CADM1: variants seen among roughly 807,000 people sequenced by gnomAD.
CADM1 encodes the protein TSLC-1.
CADM1 carries 15 observed loss-of-function variants against 53.1 expected under a neutral mutation model. The ratio of observed to expected loss-of-function variants is 0.28; its 90% CI spans 0.19 to 0.44. The LOEUF (loss-of-function observed/expected upper bound fraction) is 0.44, where lower values mean the gene tolerates loss of function less well. Among genes scored for constraint, CADM1 ranks in the 20% least tolerant of loss-of-function variants. CADM1 has a pLI of 1.00. For missense variants in CADM1, 434 were observed against 611.3 expected, an observed-to-expected ratio of 0.71 and a Z score of 3.06; for synonymous variants, 281 against 243.0, an observed-to-expected ratio of 1.16 and a Z score of -1.45.
intron 1 of CADM1, among the ~76,000 whole-genome samples, chr11:115,412,178 A>C (rs1465559554): frequency 6.6e-6 from 1 of 152,084 alleles, no homozygotes; most frequent in Non-Finnish European, 1.5e-5. Flanking sequence ...AGCAAATTTA[A>C]GTATTTTAAA....
chr11:115,221,715 C>T (rs1040983352), intron 5 of CADM1, among the ~76,000 whole-genome samples: 6 of 152,136 alleles, frequency 3.9e-5, no homozygotes, highest in Non-Finnish European at 8.8e-5. Flanking sequence ...CAAACACTAA[C>T]GTATCAGGTC....
chr11:115,396,211 T>C (rs992574849), intron 1 of CADM1, among the ~76,000 whole-genome samples: 10 of 152,214 alleles, frequency 6.6e-5, no homozygotes, highest in Non-Finnish European at 2.9e-5. Flanking sequence ...ATAATAAAGA[T>C]GTGGTTGTCA....
chr11:115,237,084 A>G (rs536003086), intron 3 of CADM1, among the ~76,000 whole-genome samples: 17 of 152,300 alleles, frequency 1.1e-4, no homozygotes, highest in East Asian at 7.7e-4. Context: ...AGTCAATTTG[A>G]AGTCTATGCT....
At chr11:115,401,962 G>A (rs985545175) in intron 1 of CADM1, among the ~76,000 whole-genome samples, 2 of 151,964 alleles carry the variant, frequency 1.3e-5, no homozygotes, top group African/African-American at 4.8e-5. Context: ...AAAAAATTAA[G>A]TCTTTTTTAA....
intron 1 of CADM1, among the ~76,000 whole-genome samples, chr11:115,336,915 C>T (rs977147510): frequency 6.6e-6 from 1 of 152,130 alleles, no homozygotes; most frequent in Non-Finnish European, 1.5e-5. Flanking sequence ...TAAGTAAGTA[C>T]TGACTATATA....
At chr11:115,311,690 T>G (rs1565358461) in intron 1 of CADM1, among the ~76,000 whole-genome samples, 2 of 152,224 alleles carry the variant, frequency 1.3e-5, no homozygotes, top group Non-Finnish European at 2.9e-5. Flanking sequence ...GAAAACAGGC[T>G]GAGAGTGGGC....
chr11:115,419,720 A>G (rs536604629), intron 1 of CADM1, among the ~76,000 whole-genome samples: 1 of 152,306 alleles, frequency 6.6e-6, no homozygotes, highest in East Asian at 1.9e-4. Flanking sequence ...GATTAGTTAA[A>G]CTGGGTGAAC....
At chr11:115,388,810 G>A (rs1946763756) in intron 1 of CADM1, among the ~76,000 whole-genome samples, 1 of 152,056 alleles carries the variant, frequency 6.6e-6, no homozygotes, top group Admixed American at 6.6e-5. Flanking sequence ...GTAGATTGAA[G>A]AGACATAACA....
At chr11:115,332,992 G>T (rs1945172762) in intron 1 of CADM1, among the ~76,000 whole-genome samples, 1 of 152,008 alleles carries the variant, frequency 6.6e-6, no homozygotes, top group African/African-American at 2.4e-5. Flanking sequence ...TACACCCTGT[G>T]CGAGGTCCTC....
intron 1 of CADM1, among the ~76,000 whole-genome samples, chr11:115,424,147 AC>A (rs542281973): frequency 5.3e-5 from 8 of 152,336 alleles, no homozygotes; most frequent in Non-Finnish European, 8.8e-5. Context: ...AGAGCTGATT[AC>A]CTGGGAAAGC....
At chr11:115,247,480 T>A (rs1218083355) in intron 1 of CADM1, among the ~76,000 whole-genome samples, 1 of 152,242 alleles carries the variant, frequency 6.6e-6, no homozygotes, top group Non-Finnish European at 1.5e-5. Flanking sequence ...CCATCCTTCA[T>A]CCACCCTTTG....
intron 1 of CADM1, among the ~76,000 whole-genome samples, chr11:115,434,914 G>T (rs536267488): frequency 6.9e-6 from 1 of 145,912 alleles, no homozygotes; most frequent in African/African-American, 2.5e-5. Flanking sequence ...AGGCTAGAGC[G>T]CAATGGTGCA....
At chr11:115,460,263 C>T (rs545790975) in intron 1 of CADM1, among the ~76,000 whole-genome samples, 2 of 152,312 alleles carry the variant, frequency 1.3e-5, no homozygotes, top group East Asian at 1.9e-4. Context: ...TGCTCTCTAA[C>T]GCAAACCTTT....
intron 1 of CADM1, among the ~76,000 whole-genome samples, chr11:115,463,397 T>C (rs576331339): frequency 1.3e-5 from 2 of 152,350 alleles, no homozygotes; most frequent in Admixed American, 1.3e-4. Context: ...TTAAATAATT[T>C]CTTAGGTGCC....
At chr11:115,352,907 T>G (rs1259331050) in intron 1 of CADM1, among the ~76,000 whole-genome samples, 5 of 152,222 alleles carry the variant, frequency 3.3e-5, no homozygotes, top group Admixed American at 2.6e-4. Context: ...GTACCACATT[T>G]TCTTCATCCA....
chr11:115,210,110 C>T (rs1293775396), intron 7 of CADM1, among the ~76,000 whole-genome samples: 1 of 152,196 alleles, frequency 6.6e-6, no homozygotes, highest in Non-Finnish European at 1.5e-5. Flanking sequence ...TGCACACTTG[C>T]TCTCTGTGAC....
chr11:115,469,352 C>G (rs1182882422), intron 1 of CADM1, among the ~76,000 whole-genome samples: 2 of 152,176 alleles, frequency 1.3e-5, no homozygotes, highest in Non-Finnish European at 2.9e-5. Flanking sequence ...TACAACAACT[C>G]TATGAGGTGG....
Position 115,442,881 on chromosome 11 carries a change from G to A in CADM1, c.124+61390C>T, listed in dbSNP as rs956633488. Among the ~76,000 whole-genome samples, 52 of 152,246 alleles carry A rather than the reference G, an allele frequency of 3.4e-4. 1 individual carries two copies. Among genetic ancestry groups the A allele is most frequent in the Middle Eastern group, 3.4e-3 (1 of 294 alleles). On this transcript the variant is annotated intron_variant, in intron 1 of 11. Transcript: ENST00000331581. The stretch of plus-strand genomic sequence containing the variant: ...TGATTTAACACCTTTTACTTAACAA[G>A]GTTCCCAGCCAAAAGAATCCATTTT...
At position 115,206,758 on chromosome 11, in the gene CADM1, C is replaced by CTTTTTTTTTTTTTTTTTTTTTTTTTTTTT. The variant is rs56270694; in HGVS notation, c.1078+2787_1078+2815dup. On this transcript the variant is annotated intron_variant, in intron 8 of 11. Coordinates refer to ENST00000331581, the MANE Select transcript of CADM1 (RefSeq NM_001301043.2). ...AAAAGAAATAGATGACTGTGGACTT[C>CTTTTTTTTTTTTTTTTTTTTTTTTTTTTT]TTTTTTTTTTTTTTTTTTTTTTTTT... is the stretch of plus-strand genomic sequence containing the variant. Among the ~76,000 whole-genome samples the CTTTTTTTTTTTTTTTTTTTTTTTTTTTTT allele has an allele frequency of 5.2e-5, 2 of 38,232 alleles. 1 individual carries two copies. Among genetic ancestry groups the CTTTTTTTTTTTTTTTTTTTTTTTTTTTTT allele is most frequent in the Non-Finnish European group, 9.0e-5 (2 of 22,288 alleles). The allele number at this position is 38,232 out of a possible 152,430, so 25.1% of individuals were successfully genotyped here.
Sources: gnomAD v4.1 joint callset for allele counts (sites outside exome capture counted in the v4.1 genomes callset) on GRCh38, gnomAD v4.1.1 for gene constraint, MANE v1.5 for transcripts, NCBI Gene and HGNC (gene_info 2026-07-23, HGNC 2026-07-21) for gene names.